RNMT: variants seen among roughly 807,000 people sequenced by gnomAD.
RNMT encodes RNA guanine-7 methyltransferase, also known as mRNA cap guanine-N(7) methyltransferase.
RNMT carries 27 observed loss-of-function variants against 56.0 expected under a neutral mutation model. That is an observed-to-expected ratio of 0.48 (90% confidence interval 0.36 to 0.67). RNMT has a LOEUF of 0.67. Ranked by LOEUF, RNMT falls within the 30% of genes least tolerant of loss-of-function variation. The pLI is 0.00. For synonymous variants in RNMT, 184 were observed against 176.2 expected (o/e 1.04, Z -0.35); for missense variants, 519 against 552.1 (o/e 0.94, Z 0.60).
chr18:13,749,153 A>G (rs865823051), intron 9 of RNMT, among the ~76,000 whole-genome samples: 36 of 152,364 alleles, frequency 2.4e-4, no homozygotes, highest in African/African-American at 7.9e-4. Context: ...GTCTTTCAAA[A>G]TGATCAGTAG....
At chr18:13,735,340 A>G (rs528315558) in intron 4 of RNMT, among the ~76,000 whole-genome samples, 7 of 152,312 alleles carry the variant, frequency 4.6e-5, no homozygotes, top group Admixed American at 4.6e-4. Flanking sequence ...TTTCAAAGAT[A>G]AATTACCTAA....
Position 13,731,668 on chromosome 18 carries a change from AG to A in RNMT, c.153del (p.Arg51SerfsTer3). ...GCTTTCTGAAAAGACTTCTGTCTGT[AG>A]GCAAGTAGACATAGCAAGAAAGAGA... ...TGLSEKTSVC[R>X]QVDIARKRKE... On this transcript the variant is annotated frameshift_variant, in exon 3 of 12. Coordinates refer to ENST00000383314, the MANE Select transcript of RNMT (RefSeq NM_003799.3). LOFTEE classifies it high-confidence loss of function. 6.2e-7 allele frequency: 1 copy of A among 1,614,158 alleles called. No homozygotes were observed. The highest frequency in any genetic ancestry group is 8.5e-7 in the Non-Finnish European group (1 of 1,180,006).
chr18:13,752,122 TA>T (rs2044459033), intron 9 of RNMT, among the ~76,000 whole-genome samples: 1 of 152,148 alleles, frequency 6.6e-6, no homozygotes, highest in African/African-American at 2.4e-5. Flanking sequence ...TACCCTAGTA[TA>T]ATATTTAAAA....
rs570499047 is a variant in RNMT, at chr18:13,734,039, A to G, written c.418-425A>G. ...TTGAATCATGGGCGCAGTTCCCCATACTTTTCTCATGGTAGTGAATAAGTC... is the reference window on the plus strand; with the variant it reads ...TTGAATCATGGGCGCAGTTCCCCATGCTTTTCTCATGGTAGTGAATAAGTC... On this transcript the variant is annotated intron_variant, in intron 3 of 11. Transcript: ENST00000383314. Among the ~76,000 whole-genome samples the G allele has an allele frequency of 4.6e-5, 7 of 152,236 alleles. No individual in the cohort carries two copies. The South Asian group carries it at 1.2e-3, about 27-fold the overall frequency.
intron 2 of RNMT, 44 bp from the exon 3 acceptor site, chr18:13,731,432 A>G: frequency 9.4e-7 from 1 of 1,061,908 alleles, no homozygotes. Flanking sequence ...ATTGTTTTAA[A>G]GTCTTAGTGT....
Position 13,762,423 on chromosome 18 carries a change from T to A in RNMT, c.*2444T>A, listed in dbSNP as rs1246248843. The A allele has an allele frequency of 5.1e-6, 2 of 394,094 alleles. No homozygotes were observed. The highest frequency in any genetic ancestry group is 9.2e-6 in the Non-Finnish European group (2 of 217,148). The allele number at this position is 394,094 out of a possible 1,614,324, so 24.4% of individuals were successfully genotyped here. On this transcript the variant is annotated 3_prime_UTR_variant, in exon 12 of 12. Coordinates refer to ENST00000383314, the MANE Select transcript of RNMT (RefSeq NM_003799.3). ...ATTCTGTGAGAGTGACTCTGCAGAG[T>A]CACTGCACCATCAGGCTTGGCCCTG...
At chr18:13,738,955 T>C (rs7238266) in intron 5 of RNMT, among the ~76,000 whole-genome samples, 130,332 of 152,052 alleles carry the variant, frequency 0.86, 55,954 homozygotes, top group East Asian at 0.95. Flanking sequence ...GTATGCAACC[T>C]AGCTTGCCTG....
chr18:13,741,561 A>T lies in RNMT; in HGVS notation c.844A>T (p.Ser282Cys). Residue 282 changes from serine to cysteine, a missense_variant, in exon 7 of 12, where the codon AGT (serine) becomes TGT (cysteine). By Grantham distance (112) the Ser-to-Cys change is moderately radical (BLOSUM62 -1). Coordinates refer to ENST00000383314, the MANE Select transcript of RNMT (RefSeq NM_003799.3). ...RDPQMCFDIC[S>C]CQFVCHYSFE... is the part of the protein sequence containing the mutation. ...CCCACAAATGTGTTTTGACATCTGC[A>T]GTTGTCAGTTTGTCTGTCATTACTC... 6.2e-7 allele frequency: 1 copy of T among 1,613,844 alleles called. No homozygotes were observed. The highest frequency in any genetic ancestry group is 8.5e-7 in the Non-Finnish European group (1 of 1,179,884).
chr18:13,762,238 A>C lies in RNMT; in HGVS notation c.*2259A>C. 1 of 1,397,578 alleles carries C rather than the reference A, an allele frequency of 7.2e-7. No homozygotes were observed. Among genetic ancestry groups the C allele is most frequent in the Non-Finnish European group, 9.5e-7 (1 of 1,050,364 alleles). The allele number at this position is 1,397,578 out of a possible 1,614,324, so 86.6% of individuals were successfully genotyped here. A position where few individuals can be genotyped will look rare whatever the true frequency, so the allele number is the denominator to read the frequency against. On this transcript the variant is annotated 3_prime_UTR_variant, in exon 12 of 12. Transcript: ENST00000383314. ...TGGGGATTGCGATGATTGATCTGGG[A>C]ACATGGCTGGATTGTGATTTAACCA...
intron 7 of RNMT, among the ~76,000 whole-genome samples, chr18:13,742,081 A>G (rs528187458): frequency 4.1e-4 from 63 of 152,332 alleles, no homozygotes; most frequent in African/African-American, 1.3e-3. Flanking sequence ...GCTCATGCCT[A>G]TAATCCTAGC....
At chr18:13,738,514 A>T (rs552498232) in intron 5 of RNMT, among the ~76,000 whole-genome samples, 1 of 152,216 alleles carries the variant, frequency 6.6e-6, no homozygotes, top group Non-Finnish European at 1.5e-5. Flanking sequence ...GTAGTTTCTT[A>T]AAGAGTAGTT....
intron 11 of RNMT, among the ~76,000 whole-genome samples, chr18:13,755,042 C>T (rs1420235841): frequency 2.0e-5 from 3 of 152,172 alleles, no homozygotes; most frequent in Non-Finnish European, 2.9e-5. Context: ...CTGTAGGAAT[C>T]CCCTTACATG....
At chr18:13,732,269 C>T (rs963725387) in intron 3 of RNMT, among the ~76,000 whole-genome samples, 2 of 152,096 alleles carry the variant, frequency 1.3e-5, no homozygotes, top group Admixed American at 6.5e-5. Flanking sequence ...AATCAAAGCT[C>T]ACTGCAGCCA....
At position 13,731,749 on chromosome 18, in the gene RNMT, C is replaced by G. The variant is rs767325569; in HGVS notation, c.232C>G (p.Pro78Ala). ...AAGTTCTAGTTGTGGGAAAGACACT[C>G]CATCCAAGAAGAGAAAACTTGATCC... ...KESSSCGKDT[P>A]SKKRKLDPEI... Residue 78 changes from proline (P) to alanine (A), a missense_variant, in exon 3 of 12, where the codon CCA (proline) becomes GCA (alanine). By Grantham distance (27) the Pro-to-Ala change is conservative (BLOSUM62 -1). Transcript: ENST00000383314. 6.2e-7 allele frequency: 1 copy of G among 1,612,936 alleles called. No individual in the cohort carries two copies. The highest frequency in any genetic ancestry group is 1.1e-5 in the South Asian group (1 of 90,780).
chr18:13,749,292 A>G (rs1271308094), intron 9 of RNMT, among the ~76,000 whole-genome samples: 2 of 152,210 alleles, frequency 1.3e-5, no homozygotes, highest in Non-Finnish European at 2.9e-5. Flanking sequence ...ATATGGTAAA[A>G]CTACAATATG....
At chr18:13,741,795 AGT>A (rs960918344) in intron 7 of RNMT, 104 bp downstream of exon 7, 1 of 665,132 alleles carries the variant, frequency 1.5e-6, no homozygotes, top group African/African-American at 1.9e-5. Flanking sequence ...TAATCTTATA[AGT>A]GTTGAACACT....
In RNMT at chr18:13,740,152, C is replaced by T. The variant is rs779034511; in HGVS notation, c.680-15C>T. 3.4e-6 allele frequency: 5 copies of T among 1,485,780 alleles called. No individual in the cohort carries two copies. Among genetic ancestry groups the T allele is most frequent in the Non-Finnish European group, 4.7e-6 (5 of 1,064,186 alleles). 92.0% of individuals were successfully genotyped at this position (1,485,780 alleles called of 1,614,324 possible). A position where few individuals can be genotyped will look rare whatever the true frequency, so the allele number is the denominator to read the frequency against. On this transcript the variant is annotated splice_polypyrimidine_tract_variant and intron_variant, in intron 5 of 11. Coordinates refer to ENST00000383314, the MANE Select transcript of RNMT (RefSeq NM_003799.3). ...TTCTGTGTTGATACTTACTAATACC[C>T]TTCCATCCTTCCAGATATTGCCGAT...
intron 7 of RNMT, 67 bp downstream of exon 7, chr18:13,741,758 G>T: frequency 9.9e-7 from 1 of 1,006,976 alleles, no homozygotes; most frequent in Non-Finnish European, 1.4e-6. Context: ...GTTTATCAGA[G>T]GTAGATTTTA....
At chr18:13,757,571 C>T (rs1307373195) in intron 11 of RNMT, among the ~76,000 whole-genome samples, 3 of 152,200 alleles carry the variant, frequency 2.0e-5, no homozygotes, top group Non-Finnish European at 4.4e-5. Flanking sequence ...CATGAGATTG[C>T]AGCAATTCAG....
Sources: allele counts gnomAD v4.1 joint callset (sites outside exome capture counted in the v4.1 genomes callset), GRCh38; gene constraint gnomAD v4.1.1; transcripts MANE v1.5; gene names NCBI Gene and HGNC (gene_info 2026-07-23, HGNC 2026-07-21).